The following FCHSD2 variants were observed in gnomAD, a reference collection of about 807,000 sequenced individuals.
The protein encoded by FCHSD2 is F-BAR and double SH3 domains protein 2.
FCHSD2 carries 38 observed loss-of-function variants against 108.1 expected under a neutral mutation model. The ratio of observed to expected loss-of-function variants is 0.35; its 90% CI spans 0.27 to 0.46. The LOEUF (loss-of-function observed/expected upper bound fraction) is 0.46. Among genes scored for constraint, FCHSD2 ranks in the 20% least tolerant of loss-of-function variants. The pLI, the probability that FCHSD2 is intolerant of heterozygous loss-of-function variation, is 1.00. For missense variants in FCHSD2, 751 were observed against 897.8 expected (o/e 0.84, Z 2.09); for synonymous variants, 279 against 314.7 (o/e 0.89, Z 1.20).
chr11:73,126,933 G>A lies in FCHSD2; in HGVS notation c.119+13098C>T, dbSNP rs968503234. Among the ~76,000 whole-genome samples the A allele has an allele frequency of 2.6e-5, 4 of 152,274 alleles. 1 individual carries two copies. The highest frequency in any genetic ancestry group is 1.3e-4 in the Admixed American group (2 of 15,304). Reference sequence around the variant, plus strand: ...CACACCTGTAATCCTAGCTACTCAGGAGGCCAAGGCACAAGAATTGCTGGA... The same window carrying A: ...CACACCTGTAATCCTAGCTACTCAGAAGGCCAAGGCACAAGAATTGCTGGA... On this transcript the variant is annotated intron_variant, in intron 2 of 19. Coordinates refer to ENST00000409418, the MANE Select transcript of FCHSD2 (RefSeq NM_014824.3).
intron 2 of FCHSD2, among the ~76,000 whole-genome samples, chr11:73,128,614 A>C (rs1026430469): frequency 1.3e-5 from 2 of 152,242 alleles, no homozygotes; most frequent in Non-Finnish European, 2.9e-5. Context: ...AAAAATTTGC[A>C]TAAGGAGAAA....
chr11:72,915,533 T>A (rs751605932), intron 9 of FCHSD2, among the ~76,000 whole-genome samples: 2 of 151,990 alleles, frequency 1.3e-5, no homozygotes, highest in Non-Finnish European at 2.9e-5. Flanking sequence ...ATAGAAAATG[T>A]GGTACATGGT....
intron 5 of FCHSD2, among the ~76,000 whole-genome samples, chr11:72,998,401 G>T (rs1857560549): frequency 6.6e-6 from 1 of 152,096 alleles, no homozygotes; most frequent in African/African-American, 2.4e-5. Context: ...AATTAGCCAG[G>T]TGTGGTGGCA....
At chr11:72,852,572 G>A (rs756820063) in intron 13 of FCHSD2, among the ~76,000 whole-genome samples, 12 of 152,062 alleles carry the variant, frequency 7.9e-5, no homozygotes, top group African/African-American at 9.7e-5. Flanking sequence ...GCTGAGGCAC[G>A]AGAATTGCTT....
chr11:73,076,934 C>A (rs1859567511), intron 3 of FCHSD2, among the ~76,000 whole-genome samples: 1 of 151,294 alleles, frequency 6.6e-6, no homozygotes, highest in Non-Finnish European at 1.5e-5. Flanking sequence ...CATGGTGAAA[C>A]CCCGTCTCTA....
chr11:73,035,239 T>A (rs541609609), intron 3 of FCHSD2, among the ~76,000 whole-genome samples: 2 of 152,188 alleles, frequency 1.3e-5, no homozygotes, highest in East Asian at 3.9e-4. Flanking sequence ...GTCACCCAGG[T>A]TGGAGCGCAG....
At chr11:73,082,395 A>C (rs1173262951) in intron 3 of FCHSD2, among the ~76,000 whole-genome samples, 1 of 150,684 alleles carries the variant, frequency 6.6e-6, no homozygotes, top group Non-Finnish European at 1.5e-5. Context: ...AAATATTAAA[A>C]CTGATGCTAT....
intron 3 of FCHSD2, among the ~76,000 whole-genome samples, chr11:73,060,479 G>A (rs1324640729): frequency 2.0e-5 from 3 of 152,158 alleles, no homozygotes; most frequent in Non-Finnish European, 2.9e-5. Context: ...CACAGGCAAT[G>A]AAGGAACACA....
intron 2 of FCHSD2, among the ~76,000 whole-genome samples, chr11:73,113,687 A>G (rs1357043430): frequency 6.6e-6 from 1 of 152,118 alleles, no homozygotes; most frequent in African/African-American, 2.4e-5. Flanking sequence ...CCTTCTTGGG[A>G]AAGTTTTCCA....
At chr11:72,900,675 T>TAA (rs61105502) in intron 10 of FCHSD2, among the ~76,000 whole-genome samples, 146,811 of 148,388 alleles carry the variant, frequency 0.99, 72,619 homozygotes, top group East Asian at 1. Flanking sequence ...CTGATTTGAT[T>TAA]AAAAAAAAAA....
intron 4 of FCHSD2, among the ~76,000 whole-genome samples, chr11:73,010,164 T>C (rs1418722482): frequency 6.6e-6 from 1 of 152,200 alleles, no homozygotes; most frequent in Non-Finnish European, 1.5e-5. Context: ...GATCTTCTCT[T>C]TTGCTTGATC....
At chr11:73,030,044 A>C (rs765952942) in intron 3 of FCHSD2, among the ~76,000 whole-genome samples, 2 of 152,128 alleles carry the variant, frequency 1.3e-5, no homozygotes, top group African/African-American at 2.4e-5. Context: ...ACAACAACAA[A>C]AATCACAAAG....
chr11:73,084,860 A>C lies in FCHSD2; in HGVS notation c.120-1120T>G, dbSNP rs187986293. On this transcript the variant is annotated intron_variant, in intron 2 of 19. Transcript: ENST00000409418. ...TGGTACTACTGACAATTTACCTTGA[A>C]TATCCTGAGTTTAAAGACTTTACCG... Among the ~76,000 whole-genome samples, 164 of 152,320 alleles carry C rather than the reference A, an allele frequency of 1.1e-3. 1 individual carries two copies. Among genetic ancestry groups the C allele is most frequent in the Middle Eastern group, 3.4e-3 (1 of 294 alleles).
chr11:72,867,452 G>A (rs1854753023), intron 13 of FCHSD2, among the ~76,000 whole-genome samples: 1 of 152,170 alleles, frequency 6.6e-6, no homozygotes. Context: ...CACGTACTAA[G>A]AAGAACATTC....
At position 72,989,064 on chromosome 11, in the gene FCHSD2, A is replaced by G. The variant is rs1163361326; in HGVS notation, c.421T>C (p.Leu141=). ...VDQLTKIQTE[L]QETVKDLAKG... is the part of the protein sequence containing the mutation. The stretch of plus-strand genomic sequence containing the variant: ...GCTAAATCTTTCACTGTCTCTTGTA[A>G]TTCAGTTTGGATCTTTGTCAACTGG... Residue 141 remains leucine (L), a synonymous_variant, in exon 6 of 20, where the codon TTA becomes CTA. Coordinates refer to ENST00000409418, the MANE Select transcript of FCHSD2 (RefSeq NM_014824.3). 2 of 1,609,170 alleles carry G rather than the reference A, an allele frequency of 1.2e-6. No individual in the cohort carries two copies. The highest frequency in any genetic ancestry group is 1.7e-6 in the Non-Finnish European group (2 of 1,177,112).
At chr11:72,989,563 G>A (rs1857372104) in intron 5 of FCHSD2, among the ~76,000 whole-genome samples, 1 of 152,182 alleles carries the variant, frequency 6.6e-6, no homozygotes, top group African/African-American at 2.4e-5. Context: ...TGAGTAGTCT[G>A]ACTTGGTAAG....
At chr11:73,096,412 G>T (rs1860077732) in intron 2 of FCHSD2, among the ~76,000 whole-genome samples, 1 of 150,502 alleles carries the variant, frequency 6.6e-6, no homozygotes, top group Non-Finnish European at 1.5e-5. Flanking sequence ...TTAGCCAGAT[G>T]TGGTGGCGGG....
At chr11:73,009,630 A>T (rs1349620105) in intron 4 of FCHSD2, among the ~76,000 whole-genome samples, 3 of 152,086 alleles carry the variant, frequency 2.0e-5, no homozygotes, top group Non-Finnish European at 4.4e-5. Context: ...GAAAGAATTT[A>T]CTTCTCCTTC....
chr11:73,040,325 T>C (rs1331733055), intron 3 of FCHSD2, among the ~76,000 whole-genome samples: 9 of 151,818 alleles, frequency 5.9e-5, no homozygotes, highest in Admixed American at 5.9e-4. Flanking sequence ...AAAAGAGGGG[T>C]GTTTTGTTTT....
Sources: allele counts gnomAD v4.1 joint callset (sites outside exome capture counted in the v4.1 genomes callset), GRCh38; gene constraint gnomAD v4.1.1; transcripts MANE v1.5; gene names NCBI Gene and HGNC (gene_info 2026-07-23, HGNC 2026-07-21).